The following TRRAP variants were observed in gnomAD, a reference collection of about 807,000 sequenced individuals.
The protein encoded by TRRAP is transformation/transcription domain associated protein, also known as transformation/transcription domain-associated protein.
In TRRAP, 41 loss-of-function variants were observed where a neutral mutation model predicts 438.8. The observed-to-expected ratio is 0.09, with a 90% CI of 0.07 to 0.12. The LOEUF (loss-of-function observed/expected upper bound fraction) is 0.12. Among genes scored for constraint, TRRAP ranks in the 10% least tolerant of loss-of-function variants. The pLI, the probability that TRRAP is intolerant of heterozygous loss-of-function variation, is 1.00. For synonymous variants in TRRAP, 1,994 were observed against 1,962.9 expected (o/e 1.02, Z -0.42); for missense variants, 3,122 against 5,055.1 (o/e 0.62, Z 11.60).
At position 98,912,090 on chromosome 7, in the gene TRRAP, T is replaced by C; in HGVS notation, c.2076T>C (p.Tyr692=). ...TGTTTGCTACGATTCTGGTGGAATA[T>C]CTCCTTGATCGCCTGCCAGAAATGG... ...SALFATILVE[Y]LLDRLPEMGS... Residue 692 remains tyrosine, a synonymous_variant, in exon 18 of 73, where the codon TAT becomes TAC. Coordinates refer to ENST00000456197, the MANE Select transcript of TRRAP (RefSeq NM_001375524.1). The C allele has an allele frequency of 6.2e-7, 1 of 1,614,192 alleles. No individual in the cohort carries two copies. The highest frequency in any genetic ancestry group is 8.5e-7 in the Non-Finnish European group (1 of 1,180,038).
intron 23 of TRRAP, among the ~76,000 whole-genome samples, chr7:98,929,431 A>T (rs1291505027): frequency 6.6e-6 from 1 of 152,198 alleles, no homozygotes; most frequent in Non-Finnish European, 1.5e-5. Flanking sequence ...TTGAACTAAT[A>T]TATTTTTGAG....
At chr7:98,894,783 GTTTTTTTTTT>G (rs56407045) in intron 6 of TRRAP, among the ~76,000 whole-genome samples, 1 of 87,418 alleles carries the variant, frequency 1.1e-5, no homozygotes, top group Non-Finnish European at 2.0e-5. Flanking sequence ...CCAGCTAATG[GTTTTTTTTTT>G]TTTTTTTTTT....
intron 26 of TRRAP, among the ~76,000 whole-genome samples, chr7:98,932,102 A>T (rs556848336): frequency 1.3e-5 from 2 of 149,420 alleles, no homozygotes; most frequent in South Asian, 2.1e-4. Flanking sequence ...ATTTTTTTTT[A>T]ACTTTTATTT....
chr7:98,927,264 G>A lies in TRRAP; in HGVS notation c.3073G>A (p.Ala1025Thr). 1.2e-6 allele frequency: 2 copies of A among 1,614,186 alleles called. No homozygotes were observed. Among genetic ancestry groups the A allele is most frequent in the Non-Finnish European group, 1.7e-6 (2 of 1,180,034 alleles). ...GACTTTTGAGCAGGCCCTGACAGGC[G>A]CCTTCATGTCTGCTGTCATTAAGGA... is the stretch of plus-strand genomic sequence containing the variant. ...RKTFEQALTGAFMSAVIKDLR... is the reference protein window; with the variant it reads ...RKTFEQALTGTFMSAVIKDLR... Residue 1025 changes from alanine to threonine, a missense_variant, in exon 23 of 73, where the codon GCC (alanine) becomes ACC (threonine). Physicochemically the swap from Ala to Thr is moderately conservative, Grantham distance 58. This residue lies in a region of TRRAP where 3 missense variants were observed against 34.7 expected (regional missense o/e 0.09). Coordinates refer to ENST00000456197, the MANE Select transcript of TRRAP (RefSeq NM_001375524.1).
intron 62 of TRRAP, among the ~76,000 whole-genome samples, chr7:98,987,855 C>G (rs959602940): frequency 1.4e-4 from 22 of 152,094 alleles, no homozygotes; most frequent in African/African-American, 5.3e-4. Context: ...CCCTTCTGTT[C>G]TAAATTTGCT....
In TRRAP at chr7:98,978,407, G is replaced by A. The variant is rs180766566; in HGVS notation, c.8498+84G>A. On this transcript the variant is annotated intron_variant, in intron 57 of 72. Coordinates refer to ENST00000456197, the MANE Select transcript of TRRAP (RefSeq NM_001375524.1). ...TCTCTGACCTTTTCTTGTAATGAGC[G>A]TTTTTTAAAGAAAGCTTTGCTACTT... 124 of 1,238,980 alleles carry A rather than the reference G, an allele frequency of 1.0e-4. No individual in the cohort carries two copies. The East Asian group carries it at 1.9e-3, about 19-fold the overall frequency. 76.7% of individuals were successfully genotyped at this position (1,238,980 alleles called of 1,614,324 possible). A position where few individuals can be genotyped will look rare whatever the true frequency, so the allele number is the denominator to read the frequency against.
chr7:98,908,429 C>T lies in TRRAP; in HGVS notation c.1116-299C>T, dbSNP rs1222684683. Among the ~76,000 whole-genome samples the T allele has an allele frequency of 6.6e-6, 1 of 152,214 alleles. No homozygotes were observed. Among genetic ancestry groups the T allele is most frequent in the Non-Finnish European group, 1.5e-5 (1 of 68,046 alleles). On this transcript the variant is annotated intron_variant, in intron 13 of 72. Coordinates refer to ENST00000456197, the MANE Select transcript of TRRAP (RefSeq NM_001375524.1). This position sits in a 1 kb window ranked among gnomAD's most constrained non-coding sequence, Gnocchi z 4.1. Reference sequence around the variant, plus strand: ...TTTGAGCAACAAAACCCATTCAGTGCATGATCAAGCTGGTAATATTCCTCC... The same window carrying T: ...TTTGAGCAACAAAACCCATTCAGTGTATGATCAAGCTGGTAATATTCCTCC...
Position 98,908,331 on chromosome 7 carries a change from G to A in TRRAP, c.1116-397G>A, listed in dbSNP as rs1440974824. ...TGTTTAGTGAGGGAAAAAACTAGTA[G>A]CCTGAAAATTCTTACTGTGTCTCTG... On this transcript the variant is annotated intron_variant, in intron 13 of 72. Coordinates refer to ENST00000456197, the MANE Select transcript of TRRAP (RefSeq NM_001375524.1). The surrounding 1 kb of genome is among the most constrained non-coding windows in gnomAD (Gnocchi z 4.1). 6.6e-6 allele frequency among the ~76,000 whole-genome samples: 1 copy of A among 152,140 alleles called. No individual in the cohort carries two copies. Among genetic ancestry groups the A allele is most frequent in the African/African-American group, 2.4e-5 (1 of 41,424 alleles).
intron 67 of TRRAP, among the ~76,000 whole-genome samples, chr7:99,001,654 C>G (rs1297997002): frequency 1.3e-5 from 2 of 152,190 alleles, no homozygotes; most frequent in African/African-American, 2.4e-5. Context: ...ACCTTCCGCT[C>G]TCCTGTACAC....
chr7:98,934,077 A>G (rs1244911559), intron 27 of TRRAP, among the ~76,000 whole-genome samples: 4 of 152,134 alleles, frequency 2.6e-5, no homozygotes, highest in Non-Finnish European at 4.4e-5. Flanking sequence ...TCTTATGAGT[A>G]TTTGTCACTG....
At position 98,977,040 on chromosome 7, in the gene TRRAP, T is replaced by C; in HGVS notation, c.8349T>C (p.Thr2783=). 1 of 1,614,238 alleles carries C rather than the reference T, an allele frequency of 6.2e-7. No individual in the cohort carries two copies. Among genetic ancestry groups the C allele is most frequent in the South Asian group, 1.1e-5 (1 of 91,086 alleles). ...QKRCKYSETA[T]AIAYEQHGFF... ...GGTGCAAGTACTCGGAGACAGCGAC[T>C]GCGATTGCTTACGAGCAGCACGGGT... The change falls in exon 56 of 73, where the codon ACT becomes ACC. Residue 2783 remains threonine, a synonymous_variant. Coordinates refer to ENST00000456197, the MANE Select transcript of TRRAP (RefSeq NM_001375524.1).
chr7:98,939,092 T>C (rs1790681149), intron 30 of TRRAP, among the ~76,000 whole-genome samples: 1 of 152,238 alleles, frequency 6.6e-6, no homozygotes, highest in Non-Finnish European at 1.5e-5. Flanking sequence ...TTCTGGTAAA[T>C]GGATTTATAA....
chr7:98,937,877 TA>T, intron 30 of TRRAP, 57 bp downstream of exon 30: 1 of 1,488,920 alleles, frequency 6.7e-7, no homozygotes. Flanking sequence ...TAAATTATTT[TA>T]AAAATAAATA....
chr7:98,944,188 TC>T (rs1285686541), intron 31 of TRRAP, among the ~76,000 whole-genome samples: 19 of 152,326 alleles, frequency 1.2e-4, no homozygotes, highest in African/African-American at 4.1e-4. Flanking sequence ...TCTCCCTCTC[TC>T]ATCTGTTAGG....
Position 98,910,228 on chromosome 7 carries a change from C to T in TRRAP, c.1523C>T (p.Pro508Leu). 1.4e-6 allele frequency: 2 copies of T among 1,392,396 alleles called. No individual in the cohort carries two copies. The highest frequency in any genetic ancestry group is 2.6e-4 in the Middle Eastern group (1 of 3,780). The allele number at this position is 1,392,396 out of a possible 1,614,324, so 86.3% of individuals were successfully genotyped here. The change falls in exon 15 of 73, where the codon CCA (proline) becomes CTA (leucine). Residue 508 changes from proline to leucine, a missense_variant. This residue lies in a region of TRRAP where 115 missense variants were observed against 124.6 expected (regional missense o/e 0.92). Coordinates refer to ENST00000456197, the MANE Select transcript of TRRAP (RefSeq NM_001375524.1). ...PSPAPVPAPP[P>L]PPPPPPPATP... ...CCAGCCCCTGTCCCTGCCCCACCTC[C>T]ACCCCCGCCCCCACCCCCACCTGCC...
rs748753551 is a variant in TRRAP at position 98,978,225 on chromosome 7, T to C, written c.8400T>C (p.Tyr2800=). The change falls in exon 57 of 73, where the codon TAT becomes TAC. Residue 2800 remains tyrosine, a synonymous_variant. Transcript: ENST00000456197. ...HGFFEQAQES[Y]EKAMDKAKKE... ...ACTTTTTTTAGGCACAAGAATCCTA[T>C]GAAAAGGCAATGGATAAAGCCAAAA... 6 of 1,613,624 alleles carry C rather than the reference T, an allele frequency of 3.7e-6. No individual in the cohort carries two copies. Among genetic ancestry groups the C allele is most frequent in the Non-Finnish European group, 3.4e-6 (4 of 1,179,862 alleles).
Position 98,948,070 on chromosome 7 carries a change from CTAG to C in TRRAP, c.4549-148_4549-146del. ...GACACAGCACAGTTAGAACCTAAGG[CTAG>C]TAAGTTGTGGCTTTTACATGTGAAC... On this transcript the variant is annotated intron_variant, in intron 33 of 72. Coordinates refer to ENST00000456197, the MANE Select transcript of TRRAP (RefSeq NM_001375524.1). This position sits in a 1 kb window ranked among gnomAD's most constrained non-coding sequence, Gnocchi z 4.9. 1 of 1,095,336 alleles carries C rather than the reference CTAG, an allele frequency of 9.1e-7. No homozygotes were observed. The highest frequency in any genetic ancestry group is 1.5e-5 in the South Asian group (1 of 67,522). 67.9% of individuals were successfully genotyped at this position (1,095,336 alleles called of 1,614,324 possible).
chr7:98,886,347 G>A (rs929361427), intron 3 of TRRAP, among the ~76,000 whole-genome samples: 2 of 151,716 alleles, frequency 1.3e-5, no homozygotes, highest in African/African-American at 4.9e-5. Flanking sequence ...GATAGATATA[G>A]ATATCTATAT....
At chr7:98,906,361 A>G in intron 13 of TRRAP, 106 bp downstream of exon 13, 1 of 727,524 alleles carries the variant, frequency 1.4e-6, no homozygotes. Flanking sequence ...TTGAGCCTTG[A>G]CACACCTGTT....
Sources: allele counts gnomAD v4.1 joint callset (sites outside exome capture counted in the v4.1 genomes callset), GRCh38; gene constraint gnomAD v4.1.1; regional missense constraint gnomAD v4.1.1; non-coding constraint Gnocchi (gnomAD v3.1); transcripts MANE v1.5; gene names NCBI Gene and HGNC (gene_info 2026-07-23, HGNC 2026-07-21).